Variants in PRDM4 observed in about 807,000 individuals in gnomAD.
PRDM4 encodes the protein PR/SET domain 4.
In PRDM4, 38 loss-of-function variants were observed where a neutral mutation model predicts 62.3. The observed-to-expected ratio is 0.61, with a 90% CI of 0.47 to 0.80. The LOEUF is 0.80. Ranked by LOEUF, PRDM4 falls within the 30% of genes least tolerant of loss-of-function variation. PRDM4 has a pLI of 0.00. For synonymous variants in PRDM4, 339 were observed against 348.2 expected (o/e 0.97, Z 0.30); for missense variants, 858 against 997.1 (o/e 0.86, Z 1.88).
chr12:107,735,101 A>G (rs1890286453), intron 11 of PRDM4, among the ~76,000 whole-genome samples: 1 of 152,168 alleles, frequency 6.6e-6, no homozygotes, highest in South Asian at 2.1e-4. Flanking sequence ...CCTGGGCTCA[A>G]GTGATCTGTC....
intron 5 of PRDM4, among the ~76,000 whole-genome samples, chr12:107,747,488 G>GT (rs1478213101): frequency 3.9e-5 from 6 of 152,210 alleles, no homozygotes; most frequent in Non-Finnish European, 1.5e-5. Context: ...TCAAAGGGCA[G>GT]AAGAATTGTA....
intron 8 of PRDM4, 125 bp from the exon 9 acceptor site, chr12:107,742,473 G>T (rs1890548767): frequency 8.6e-7 from 1 of 1,163,960 alleles, no homozygotes; most frequent in Non-Finnish European, 1.2e-6. Context: ...CCTCTGGAAT[G>T]TTTTTGTAAT....
At chr12:107,755,386 C>T (rs1891031919) in intron 3 of PRDM4, among the ~76,000 whole-genome samples, 1 of 152,160 alleles carries the variant, frequency 6.6e-6, no homozygotes, top group Non-Finnish European at 1.5e-5. Flanking sequence ...GCGTGAGCCA[C>T]TGTGCCTGGC....
intron 7 of PRDM4, among the ~76,000 whole-genome samples, chr12:107,744,334 T>C (rs1890620279): frequency 1.3e-5 from 2 of 152,230 alleles, no homozygotes; most frequent in Non-Finnish European, 1.5e-5. Context: ...TTGTCCTCTA[T>C]TTCCAGTAGC....
At chr12:107,734,882 A>C (rs1890278032) in intron 11 of PRDM4, among the ~76,000 whole-genome samples, 1 of 152,102 alleles carries the variant, frequency 6.6e-6, no homozygotes, top group African/African-American at 2.4e-5. Flanking sequence ...ATACACCACA[A>C]CTTATCTATG....
intron 5 of PRDM4, among the ~76,000 whole-genome samples, chr12:107,747,484 G>C (rs1890744554): frequency 6.6e-6 from 1 of 152,126 alleles, no homozygotes; most frequent in African/African-American, 2.4e-5. Flanking sequence ...TCTTTCAAAG[G>C]GCAGAAGAAT....
At position 107,760,479 on chromosome 12, in the gene PRDM4, G is replaced by A. The variant is rs775733347; in HGVS notation, c.11+26C>T. 21 of 1,613,246 alleles carry A rather than the reference G, an allele frequency of 1.3e-5. No individual in the cohort carries two copies. The Admixed American group carries it at 2.0e-4, about 15-fold the overall frequency. On this transcript the variant is annotated intron_variant, in intron 2 of 11. Transcript: ENST00000228437. ...GCCAGAGTTTCCAACGATGTCACCA[G>A]TGCTGAAGCCCACCTCCCTACTCAC...
chr12:107,742,717 C>T lies in PRDM4; in HGVS notation c.1482-369G>A, dbSNP rs1309779631. ...TAACAGCCAATATAAAGAAAAGGCA[C>T]CCACTTTCAAATTCAGTGGTAACTA... On this transcript the variant is annotated intron_variant, in intron 8 of 11. Coordinates refer to ENST00000228437, the MANE Select transcript of PRDM4 (RefSeq NM_012406.4). The T allele has an allele frequency of 1.7e-5, 4 of 240,884 alleles. No individual in the cohort carries two copies. The South Asian group carries it at 1.9e-4, about 12-fold the overall frequency. The allele number at this position is 240,884 out of a possible 1,614,324, so 14.9% of individuals were successfully genotyped here. A position where few individuals can be genotyped will look rare whatever the true frequency, so the allele number is the denominator to read the frequency against.
At chr12:107,755,142 T>C (rs921236829) in intron 3 of PRDM4, among the ~76,000 whole-genome samples, 5 of 152,134 alleles carry the variant, frequency 3.3e-5, no homozygotes, top group Non-Finnish European at 5.9e-5. Context: ...TGGAGCGTAG[T>C]AGCATGACCA....
intron 5 of PRDM4, among the ~76,000 whole-genome samples, chr12:107,749,783 C>T (rs892773465): frequency 3.3e-5 from 5 of 152,074 alleles, no homozygotes; most frequent in Non-Finnish European, 7.4e-5. Flanking sequence ...GCAGCAAAGC[C>T]CTACCCCAAC....
chr12:107,746,489 G>GA, intron 5 of PRDM4, 65 bp from the exon 6 acceptor site: 1 of 1,124,316 alleles, frequency 8.9e-7, no homozygotes, highest in Non-Finnish European at 1.2e-6. Context: ...TACCACCACG[G>GA]TTTTTTTTTT....
chr12:107,750,549 A>C (rs1890855880), intron 5 of PRDM4, among the ~76,000 whole-genome samples: 1 of 152,192 alleles, frequency 6.6e-6, no homozygotes, highest in African/African-American at 2.4e-5. Flanking sequence ...CAATAAATTA[A>C]AATAAGCACT....
intron 10 of PRDM4, among the ~76,000 whole-genome samples, chr12:107,740,191 T>TA (rs1219657391): frequency 2.0e-5 from 3 of 152,238 alleles, no homozygotes; most frequent in Non-Finnish European, 2.9e-5. Context: ...TAGTATTTAT[T>TA]AAAAAAAGTT....
At chr12:107,752,342 C>T in intron 4 of PRDM4, 133 bp from the exon 5 acceptor site, 1 of 701,026 alleles carries the variant, frequency 1.4e-6, no homozygotes, top group Non-Finnish European at 2.3e-6. Flanking sequence ...AATCGATACA[C>T]ACTATTTTAT....
At chr12:107,756,705 T>A in intron 3 of PRDM4, 127 bp downstream of exon 3, 1 of 1,138,876 alleles carries the variant, frequency 8.8e-7, no homozygotes, top group Non-Finnish European at 1.2e-6. Context: ...TGAACCACCA[T>A]TCAGGCCTGC....
chr12:107,752,782 A>G (rs1262227332), intron 4 of PRDM4, among the ~76,000 whole-genome samples: 1 of 152,170 alleles, frequency 6.6e-6, no homozygotes, highest in Non-Finnish European at 1.5e-5. Context: ...AGCCTCAAAA[A>G]TGTTAATACC....
chr12:107,748,977 AATTTGAG>A (rs879605113), intron 5 of PRDM4, among the ~76,000 whole-genome samples: 3 of 152,152 alleles, frequency 2.0e-5, no homozygotes, highest in Non-Finnish European at 4.4e-5. Flanking sequence ...TAAAACTCTA[AATTTGAG>A]ACTTTAAAAG....
At chr12:107,745,001 A>G (rs1890646235) in intron 6 of PRDM4, among the ~76,000 whole-genome samples, 1 of 152,232 alleles carries the variant, frequency 6.6e-6, no homozygotes, top group Admixed American at 6.5e-5. Flanking sequence ...CGGAGGTTGC[A>G]GTGAGCAGAG....
Position 107,760,542 on chromosome 12 carries a change from GGAGCGCTC to G in PRDM4, c.-35_-28del, listed in dbSNP as rs1282446957. On this transcript the variant is annotated 5_prime_UTR_variant, in exon 2 of 12. The change creates a premature stop within an existing upstream ORF in the 5' untranslated region. Coordinates refer to ENST00000228437, the MANE Select transcript of PRDM4 (RefSeq NM_012406.4). ...GGCTTGGGGCCAAATATCAGAGAAA[GGAGCGCTC>G]GGGTGGTGGGGAACAGGCATCAGGG... The G allele has an allele frequency of 6.2e-7, 1 of 1,612,426 alleles. No homozygotes were observed. The highest frequency in any genetic ancestry group is 1.3e-5 in the African/African-American group (1 of 74,878).
Sources: gnomAD v4.1 joint callset for allele counts (sites outside exome capture counted in the v4.1 genomes callset) on GRCh38, gnomAD v4.1.1 for gene constraint, MANE v1.5 for transcripts, NCBI Gene and HGNC (gene_info 2026-07-23, HGNC 2026-07-21) for gene names.